The following B3GALT5 variants were observed in gnomAD, a reference collection of about 807,000 sequenced individuals.
B3GALT5 encodes beta-1,3-galactosyltransferase 5.
For missense variants in B3GALT5, 328 were observed against 396.6 expected (o/e 0.83, Z 1.47); for synonymous variants, 156 against 158.6 (o/e 0.98, Z 0.12).
chr21:39,654,015 G>A (rs1291960647), intron 2 of B3GALT5, among the ~76,000 whole-genome samples: 2 of 152,148 alleles, frequency 1.3e-5, no homozygotes, highest in Non-Finnish European at 2.9e-5. Context: ...GCAATTATGA[G>A]CAATGCTGCT....
chr21:39,643,796 A>G (rs978704142), intron 1 of B3GALT5, among the ~76,000 whole-genome samples: 12 of 152,170 alleles, frequency 7.9e-5, no homozygotes, highest in Non-Finnish European at 1.8e-4. Context: ...AGAGGAGATC[A>G]TGCCTTCTCT....
intron 1 of B3GALT5, among the ~76,000 whole-genome samples, chr21:39,640,315 C>T (rs916098286): frequency 2.0e-5 from 3 of 152,154 alleles, no homozygotes; most frequent in African/African-American, 4.8e-5. Flanking sequence ...CCCTGCGCCT[C>T]CTGTCTTGGT....
At position 39,672,073 on chromosome 21, in the gene B3GALT5, C is replaced by G. The variant is rs1217153598; in HGVS notation, c.*10581C>G. 1 of 152,236 alleles carries G rather than the reference C, an allele frequency of 6.6e-6. No homozygotes were observed. Among genetic ancestry groups the G allele is most frequent in the Non-Finnish European group, 1.5e-5 (1 of 68,034 alleles). The allele number at this position is 152,236 out of a possible 1,614,324, so 9.4% of individuals were successfully genotyped here. ...AAACGAACTCCATAGCCAAATGCAA[C>G]ATTTTGTGTCATACTGCTTTACATC... On this transcript the variant is annotated 3_prime_UTR_variant, in exon 4 of 4. Transcript: ENST00000684187.
chr21:39,661,039 C>A lies in B3GALT5; in HGVS notation c.480C>A (p.Phe160Leu). 2 of 1,614,172 alleles carry A rather than the reference C, an allele frequency of 1.2e-6. No individual in the cohort carries two copies. Among genetic ancestry groups the A allele is most frequent in the Non-Finnish European group, 1.7e-6 (2 of 1,180,022 alleles). ...AFVMKTDSDM[F>L]INVDYLTELL... ...TGATGAAAACAGACTCAGACATGTT[C>A]ATCAATGTTGACTATCTGACTGAAC... Residue 160 changes from phenylalanine (F) to leucine (L), a missense_variant, in exon 4 of 4, where the codon TTC becomes TTA. By Grantham distance (22) the Phe-to-Leu change is conservative. Transcript: ENST00000684187. The surrounding 1 kb of genome is among the most constrained non-coding windows in gnomAD (Gnocchi z 4.7).
intron 1 of B3GALT5, among the ~76,000 whole-genome samples, chr21:39,630,109 C>T (rs1237187252): frequency 6.6e-6 from 1 of 152,140 alleles, no homozygotes; most frequent in Non-Finnish European, 1.5e-5. Context: ...AACCAACACT[C>T]AAAGCCAGAT....
chr21:39,661,666 T>A lies in B3GALT5; in HGVS notation c.*174T>A. 1 of 590,204 alleles carries A rather than the reference T, an allele frequency of 1.7e-6. No individual in the cohort carries two copies. The highest frequency in any genetic ancestry group is 2.8e-6 in the Non-Finnish European group (1 of 360,064). 36.6% of individuals were successfully genotyped at this position (590,204 alleles called of 1,614,324 possible). ...AGTTCCCACTTGGTGCCCCAGGCAA[T>A]AATAGGCCCGTCTCTTGGGCACGCA... On this transcript the variant is annotated 3_prime_UTR_variant, in exon 4 of 4. Transcript: ENST00000684187. This position sits in a 1 kb window ranked among gnomAD's most constrained non-coding sequence, Gnocchi z 4.7.
chr21:39,644,176 C>T (rs1409696823), intron 1 of B3GALT5, among the ~76,000 whole-genome samples: 1 of 151,986 alleles, frequency 6.6e-6, no homozygotes, highest in Non-Finnish European at 1.5e-5. Context: ...CATAAGGTAA[C>T]GTAGACAGTA....
At position 39,660,566 on chromosome 21, in the gene B3GALT5, T is replaced by G. The variant is rs750402831; in HGVS notation, c.7T>G (p.Phe3Val). 1 of 1,418,560 alleles carries G rather than the reference T, an allele frequency of 7.0e-7. No individual in the cohort carries two copies. Among genetic ancestry groups the G allele is most frequent in the African/African-American group, 1.4e-5 (1 of 69,708 alleles). 87.9% of individuals were successfully genotyped at this position (1,418,560 alleles called of 1,614,324 possible). A position where few individuals can be genotyped will look rare whatever the true frequency, so the allele number is the denominator to read the frequency against. Residue 3 changes from phenylalanine (F) to valine (V), a missense_variant, in exon 4 of 4, where the codon TTC becomes GTC. Coordinates refer to ENST00000684187, the MANE Select transcript of B3GALT5 (RefSeq NM_001356336.2). MAFPKMRLMYICL... is the reference protein window; with the variant it reads MAVPKMRLMYICL... ...TGGATTTTGTTCCTTTCAGATGGCTTTCCCGAAGATGAGATTGATGTATAT... is the reference window on the plus strand; with the variant it reads ...TGGATTTTGTTCCTTTCAGATGGCTGTCCCGAAGATGAGATTGATGTATAT...
At chr21:39,649,538 A>G (rs1342955866) in intron 2 of B3GALT5, among the ~76,000 whole-genome samples, 1 of 152,218 alleles carries the variant, frequency 6.6e-6, no homozygotes, top group African/African-American at 2.4e-5. Flanking sequence ...CAGTAGGGGA[A>G]AGAGACCTCA....
At chr21:39,654,999 A>C (rs2079428593) in intron 2 of B3GALT5, among the ~76,000 whole-genome samples, 1 of 152,356 alleles carries the variant, frequency 6.6e-6, no homozygotes, top group Admixed American at 6.5e-5. Context: ...AAACTACATT[A>C]TCTCTTGGGT....
At chr21:39,652,827 T>A (rs2079407987) in intron 2 of B3GALT5, among the ~76,000 whole-genome samples, 1 of 152,334 alleles carries the variant, frequency 6.6e-6, no homozygotes, top group African/African-American at 2.4e-5. Context: ...GGAATCTGTT[T>A]TGTGAGACAC....
chr21:39,637,398 G>A (rs754702680), intron 1 of B3GALT5, among the ~76,000 whole-genome samples: 21 of 152,374 alleles, frequency 1.4e-4, no homozygotes, highest in East Asian at 1.9e-4. Flanking sequence ...CATCAGGTAC[G>A]AGGTAACACC....
intron 1 of B3GALT5, among the ~76,000 whole-genome samples, chr21:39,640,109 A>G (rs577805238): frequency 6.6e-6 from 1 of 152,232 alleles, no homozygotes; most frequent in South Asian, 2.1e-4. Flanking sequence ...TTCCCATTTG[A>G]TAGATGAGGA....
At chr21:39,639,052 C>T (rs1460189313) in intron 1 of B3GALT5, among the ~76,000 whole-genome samples, 1 of 152,206 alleles carries the variant, frequency 6.6e-6, no homozygotes, top group Non-Finnish European at 1.5e-5. Context: ...GGGTGGACCT[C>T]TTTCCCACAG....
rs1348128110 is a variant in B3GALT5 at position 39,669,586 on chromosome 21, A to G, written c.*8094A>G. 1 of 151,998 alleles carries G rather than the reference A, an allele frequency of 6.6e-6. No individual in the cohort carries two copies. The highest frequency in any genetic ancestry group is 2.4e-5 in the African/African-American group (1 of 41,378). The allele number at this position is 151,998 out of a possible 1,614,324, so 9.4% of individuals were successfully genotyped here. On this transcript the variant is annotated 3_prime_UTR_variant, in exon 4 of 4. Transcript: ENST00000684187. ...TGACAGCTGAATAAAGAAGCGTTCCAGTGCCTTCTCTGTGGGCATCGTAAG... is the reference window on the plus strand; with the variant it reads ...TGACAGCTGAATAAAGAAGCGTTCCGGTGCCTTCTCTGTGGGCATCGTAAG...
intron 1 of B3GALT5, among the ~76,000 whole-genome samples, chr21:39,628,986 A>G (rs889706972): frequency 2.6e-5 from 4 of 152,066 alleles, no homozygotes. Context: ...CTTGGATTCC[A>G]CATGCAGAAC....
At position 39,646,823 on chromosome 21, in the gene B3GALT5, G is replaced by T. The variant is rs192253141; in HGVS notation, c.-161+201G>T. On this transcript the variant is annotated intron_variant, in intron 2 of 3. Transcript: ENST00000684187. The stretch of plus-strand genomic sequence containing the variant: ...GAGGGTCAAGAACTGAAAGGGGGTT[G>T]GGTGCAGTGGCTCATGGCTCTATTT... Among the ~76,000 whole-genome samples the T allele has an allele frequency of 1.6e-4, 24 of 152,254 alleles. No individual in the cohort carries two copies. The East Asian group carries it at 4.6e-3, about 29-fold the overall frequency.
intron 1 of B3GALT5, chr21:39,630,621 G>C (rs1186582897): frequency 2.6e-5 from 4 of 152,234 alleles, no homozygotes; most frequent in African/African-American, 9.7e-5. Context: ...CTCTGGGATG[G>C]TGTTTGCATG....
At chr21:39,655,974 G>C (rs1048632138) in intron 2 of B3GALT5, among the ~76,000 whole-genome samples, 1 of 152,154 alleles carries the variant, frequency 6.6e-6, no homozygotes, top group Non-Finnish European at 1.5e-5. Flanking sequence ...TGGGGTCTTC[G>C]ACCTTGTTTA....
Sources: gnomAD v4.1 joint callset for allele counts (sites outside exome capture counted in the v4.1 genomes callset) on GRCh38, gnomAD v4.1.1 for gene constraint, Gnocchi (gnomAD v3.1) non-coding constraint, MANE v1.5 for transcripts, NCBI Gene and HGNC (gene_info 2026-07-23, HGNC 2026-07-21) for gene names.